Variants in KIF26B observed in about 807,000 individuals in gnomAD.
KIF26B encodes kinesin family member 26B, also known as kinesin-like protein KIF26B.
KIF26B carries 63 observed loss-of-function variants against 151.2 expected under a neutral mutation model. That is an observed-to-expected ratio of 0.42 (90% CI 0.34 to 0.51). The LOEUF is 0.51. Ranked by LOEUF, KIF26B falls within the 20% of genes least tolerant of loss-of-function variation. The pLI is 0.07. For missense variants in KIF26B, 2,813 were observed against 2,913.6 expected (o/e 0.97, Z 0.79); for synonymous variants, 1,357 against 1,262.1 (o/e 1.08, Z -1.59).
At chr1:245,445,267 C>T (rs138907945) in intron 4 of KIF26B, among the ~76,000 whole-genome samples, 21 of 152,316 alleles carry the variant, frequency 1.4e-4, no homozygotes, top group Non-Finnish European at 2.4e-4. Context: ...TCTCATCTTC[C>T]AGGCAACCCC....
In KIF26B at chr1:245,662,435, G is replaced by GATAT. The variant is rs61475459; in HGVS notation, c.2258+16173_2258+16176dup. Among the ~76,000 whole-genome samples, 566 of 140,110 alleles carry GATAT rather than the reference G, an allele frequency of 4.0e-3. 4 individuals carry two copies. The highest frequency in any genetic ancestry group is 0.013 in the African/African-American group (485 of 37,404). 91.9% of individuals were successfully genotyped at this position (140,110 alleles called of 152,430 possible). A position where few individuals can be genotyped will look rare whatever the true frequency, so the allele number is the denominator to read the frequency against. ...CAGTGATATATACATACACATACCC[G>GATAT]ATATATATATATATATATATACACC... is the stretch of plus-strand genomic sequence containing the variant. On this transcript the variant is annotated intron_variant, in intron 10 of 14. Coordinates refer to ENST00000407071, the MANE Select transcript of KIF26B (RefSeq NM_018012.4).
intron 9 of KIF26B, among the ~76,000 whole-genome samples, chr1:245,634,713 A>G (rs1379028631): frequency 6.6e-6 from 1 of 151,828 alleles, no homozygotes; most frequent in Non-Finnish European, 1.5e-5. Flanking sequence ...TTGTTGCTAG[A>G]TACAATATTT....
intron 4 of KIF26B, among the ~76,000 whole-genome samples, chr1:245,528,158 G>A (rs1440371857): frequency 6.6e-6 from 1 of 152,146 alleles, no homozygotes; most frequent in African/African-American, 2.4e-5. Flanking sequence ...CTTGCAAGTG[G>A]ATGTCTGGCA....
chr1:245,538,652 C>G (rs1661536354), intron 4 of KIF26B, among the ~76,000 whole-genome samples: 1 of 152,092 alleles, frequency 6.6e-6, no homozygotes, highest in Non-Finnish European at 1.5e-5. Context: ...CTGGGAACCC[C>G]AGCAGGTAGG....
rs756197287 is a variant in KIF26B, at chr1:245,686,319, C to T, written c.3336C>T (p.Gly1112=). The part of the protein sequence containing the change: ...APLPPSSKDS[G]VASRESLLQP... ...TGCCTCCCTCGAGCAAGGATTCCGG[C>T]GTGGCGTCTAGGGAGTCCTTGCTGC... Residue 1112 remains glycine, a synonymous_variant, in exon 12 of 15, where the codon GGC becomes GGT. Transcript: ENST00000407071. This position sits in a 1 kb window ranked among gnomAD's most constrained non-coding sequence, Gnocchi z 5.6. The T allele has an allele frequency of 1.1e-5, 17 of 1,613,014 alleles. No homozygotes were observed. The highest frequency in any genetic ancestry group is 2.7e-5 in the African/African-American group (2 of 74,906).
At chr1:245,482,994 C>T (rs1399550226) in intron 4 of KIF26B, among the ~76,000 whole-genome samples, 2 of 151,690 alleles carry the variant, frequency 1.3e-5, no homozygotes, top group Admixed American at 6.6e-5. Context: ...AAAAGCTTCC[C>T]CTTCAGGTGT....
chr1:245,185,714 A>G (rs1022544146), intron 2 of KIF26B, among the ~76,000 whole-genome samples: 7 of 152,142 alleles, frequency 4.6e-5, no homozygotes, highest in African/African-American at 7.2e-5. Context: ...ATATTTTCTT[A>G]AGATGATCCC....
At chr1:245,621,920 A>G (rs2043666801) in intron 9 of KIF26B, among the ~76,000 whole-genome samples, 1 of 151,178 alleles carries the variant, frequency 6.6e-6, no homozygotes, top group Non-Finnish European at 1.5e-5. Context: ...TTATATTATC[A>G]TCCTCAGCAC....
chr1:245,402,247 A>G (rs533817204), intron 3 of KIF26B, among the ~76,000 whole-genome samples: 1 of 152,344 alleles, frequency 6.6e-6, no homozygotes, highest in South Asian at 2.1e-4. Context: ...CAGAGAAAAA[A>G]GGTTCAAGTG....
intron 4 of KIF26B, among the ~76,000 whole-genome samples, chr1:245,454,895 T>C (rs548869073): frequency 6.6e-5 from 10 of 152,344 alleles, no homozygotes; most frequent in Non-Finnish European, 1.5e-4. Flanking sequence ...AGATATCTCA[T>C]ATCCCCTCTG....
Position 245,390,946 on chromosome 1 carries a change from A to AAAC in KIF26B, c.999+23581_999+23582insCAA, listed in dbSNP as rs1553270139. 1.7e-4 allele frequency among the ~76,000 whole-genome samples: 25 copies of AAAC among 148,290 alleles called. 1 individual carries two copies. Among genetic ancestry groups the AAAC allele is most frequent in the African/African-American group, 5.7e-4 (23 of 40,128 alleles). On this transcript the variant is annotated intron_variant, in intron 3 of 14. Transcript: ENST00000407071. Reference sequence around the variant, plus strand: ...CAAAAAAAAAAAAAAAAAAAAAAAAAAAAAAACCACCATAAAATTTTGAGC... The same window carrying AAAC: ...CAAAAAAAAAAAAAAAAAAAAAAAAAAACAAAAAACCACCATAAAATTTTGAGC...
intron 2 of KIF26B, among the ~76,000 whole-genome samples, chr1:245,165,519 A>ATC (rs750135055): frequency 6.6e-6 from 1 of 152,108 alleles, no homozygotes; most frequent in Non-Finnish European, 1.5e-5. Flanking sequence ...GGAGATATGG[A>ATC]TCTGGGGGAT....
At chr1:245,394,684 CTTTCT>C (rs1464847432) in intron 3 of KIF26B, among the ~76,000 whole-genome samples, 7 of 124,400 alleles carry the variant, frequency 5.6e-5, no homozygotes, top group African/African-American at 2.8e-4. Flanking sequence ...AAGTTTTTTT[CTTTCT>C]TTTTTTTTTT....
chr1:245,250,583 G>A (rs1050720584), intron 2 of KIF26B, among the ~76,000 whole-genome samples: 1 of 152,124 alleles, frequency 6.6e-6, no homozygotes, highest in African/African-American at 2.4e-5. Flanking sequence ...CTCCAAAATG[G>A]CTTCTCTGCA....
intron 5 of KIF26B, among the ~76,000 whole-genome samples, chr1:245,592,558 TGTG>T (rs1302155827): frequency 1.3e-5 from 2 of 152,310 alleles, no homozygotes; most frequent in Non-Finnish European, 2.9e-5. Context: ...GTAAAGAAGT[TGTG>T]GTGGTGTTGC....
chr1:245,649,884 T>G (rs961802880), intron 10 of KIF26B, among the ~76,000 whole-genome samples: 1 of 152,218 alleles, frequency 6.6e-6, no homozygotes, highest in Non-Finnish European at 1.5e-5. Context: ...GAGTTTGGAT[T>G]CATTACCCAT....
At chr1:245,588,605 T>A (rs1004851682) in intron 5 of KIF26B, among the ~76,000 whole-genome samples, 1 of 152,212 alleles carries the variant, frequency 6.6e-6, no homozygotes, top group Non-Finnish European at 1.5e-5. Context: ...CTGGGACTCA[T>A]TGGAGCTAAG....
At chr1:245,692,116 T>G (rs1325836193) in intron 12 of KIF26B, among the ~76,000 whole-genome samples, 1 of 152,208 alleles carries the variant, frequency 6.6e-6, no homozygotes, top group African/African-American at 2.4e-5. Flanking sequence ...ATGTGATGTC[T>G]TTTCCTTAGA....
chr1:245,487,812 A>G (rs1354898331), intron 4 of KIF26B, among the ~76,000 whole-genome samples: 1 of 139,912 alleles, frequency 7.1e-6, no homozygotes, highest in Non-Finnish European at 1.5e-5. Context: ...TCTCATTTGC[A>G]TTTGCATTTC....
Sources: allele counts gnomAD v4.1 joint callset (sites outside exome capture counted in the v4.1 genomes callset), GRCh38; gene constraint gnomAD v4.1.1; non-coding constraint Gnocchi (gnomAD v3.1); transcripts MANE v1.5; gene names NCBI Gene and HGNC (gene_info 2026-07-23, HGNC 2026-07-21).